FHIT: variants seen among roughly 807,000 people sequenced by gnomAD.
The protein encoded by FHIT is bis(5'-adenosyl)-triphosphatase.
Under a neutral mutation model 17.9 loss-of-function variants are expected in FHIT, and 19 were observed. The ratio of observed to expected loss-of-function variants is 1.06; its 90% CI spans 0.74 to 1.56. The LOEUF is 1.56. Among genes scored for constraint, FHIT ranks in the 40% most tolerant of loss-of-function variants. The pLI is 0.00. For missense variants in FHIT, 248 were observed against 189.2 expected, an observed-to-expected ratio of 1.31 and a Z score of -1.82; for synonymous variants, 81 against 69.7, an observed-to-expected ratio of 1.16 and a Z score of -0.81.
intron 8 of FHIT, among the ~76,000 whole-genome samples, chr3:59,849,162 G>A (rs1349829029): frequency 2.0e-5 from 3 of 152,158 alleles, no homozygotes; most frequent in African/African-American, 7.2e-5. Flanking sequence ...CTTGAGGCCA[G>A]GAGTTTGAGA....
chr3:59,756,234 A>G (rs568357042), intron 8 of FHIT, among the ~76,000 whole-genome samples: 21 of 152,194 alleles, frequency 1.4e-4, no homozygotes, highest in Admixed American at 3.3e-4. Flanking sequence ...TTGTAGAAGG[A>G]TTAAAAGTTA....
intron 2 of FHIT, among the ~76,000 whole-genome samples, chr3:61,152,322 A>C (rs1244985811): frequency 6.6e-6 from 1 of 152,234 alleles, no homozygotes; most frequent in Non-Finnish European, 1.5e-5. Context: ...AAAAGTGGTA[A>C]GTGAACCCCT....
At chr3:60,053,906 A>C (rs1485743812) in intron 5 of FHIT, among the ~76,000 whole-genome samples, 1 of 152,200 alleles carries the variant, frequency 6.6e-6, no homozygotes, top group East Asian at 1.9e-4. Flanking sequence ...GACATATGCG[A>C]ATTCTTTCAA....
intron 5 of FHIT, among the ~76,000 whole-genome samples, chr3:60,297,104 A>C (rs1173843050): frequency 6.6e-6 from 1 of 151,988 alleles, no homozygotes; most frequent in African/African-American, 2.4e-5. Context: ...TTCTTTTTCA[A>C]ATCTGTTTTA....
intron 4 of FHIT, among the ~76,000 whole-genome samples, chr3:60,810,995 T>C (rs1197235036): frequency 6.6e-6 from 1 of 152,192 alleles, no homozygotes; most frequent in Non-Finnish European, 1.5e-5. Context: ...CTAAAATACT[T>C]CTCTGTGGCC....
chr3:60,306,636 ATTC>A, intron 5 of FHIT, among the ~76,000 whole-genome samples: 1 of 152,206 alleles, frequency 6.6e-6, no homozygotes. Context: ...CTTCATAATG[ATTC>A]TTGACAATAC....
At chr3:61,092,060 G>C (rs1000822875) in intron 2 of FHIT, among the ~76,000 whole-genome samples, 2 of 150,970 alleles carry the variant, frequency 1.3e-5, no homozygotes, top group Non-Finnish European at 2.9e-5. Flanking sequence ...TTCCATCCTT[G>C]GGTCAATGTA....
rs994266535 is a variant in FHIT, at chr3:60,837,524, T to C, written c.-110-15513A>G. Reference sequence around the variant, plus strand: ...AAGTGAGCTTCTCATAGACAGAATATAGTTGGGTCATATTTTTTAAACAAT... The same window carrying C: ...AAGTGAGCTTCTCATAGACAGAATACAGTTGGGTCATATTTTTTAAACAAT... On this transcript the variant is annotated intron_variant, in intron 3 of 9. Transcript: ENST00000492590. 2.0e-5 allele frequency among the ~76,000 whole-genome samples: 3 copies of C among 152,180 alleles called. No individual in the cohort carries two copies. In the East Asian group the frequency reaches 5.8e-4, roughly 29 times the overall value.
chr3:59,796,217 T>G (rs1242242048), intron 8 of FHIT, among the ~76,000 whole-genome samples: 9 of 152,196 alleles, frequency 5.9e-5, no homozygotes, highest in Non-Finnish European at 5.9e-5. Flanking sequence ...GTCATTCCTT[T>G]CATCTCCTCT....
chr3:60,051,844 A>AAAAC (rs769655998), intron 5 of FHIT, among the ~76,000 whole-genome samples: 1 of 152,180 alleles, frequency 6.6e-6, no homozygotes, highest in Admixed American at 6.5e-5. Flanking sequence ...GGAAAAAAAT[A>AAAAC]AAACAAACAA....
At chr3:60,417,466 G>T (rs1027676617) in intron 5 of FHIT, among the ~76,000 whole-genome samples, 1 of 152,140 alleles carries the variant, frequency 6.6e-6, no homozygotes, top group African/African-American at 2.4e-5. Flanking sequence ...TAAATGTTTG[G>T]ATTTGTCTTT....
intron 3 of FHIT, among the ~76,000 whole-genome samples, chr3:60,969,175 A>G (rs1709890238): frequency 6.6e-6 from 1 of 152,080 alleles, no homozygotes; most frequent in African/African-American, 2.4e-5. Flanking sequence ...TTGTGGGAAG[A>G]TTTCTAATTA....
At chr3:60,733,812 T>G (rs2042081180) in intron 4 of FHIT, among the ~76,000 whole-genome samples, 1 of 152,196 alleles carries the variant, frequency 6.6e-6, no homozygotes, top group South Asian at 2.1e-4. Flanking sequence ...CTTAGCAGAA[T>G]GTTGCACACC....
chr3:61,210,244 T>A (rs918928139), intron 1 of FHIT, among the ~76,000 whole-genome samples: 1 of 152,240 alleles, frequency 6.6e-6, no homozygotes, highest in African/African-American at 2.4e-5. Context: ...GTTAGGCTAC[T>A]CGGGGGTCAG....
intron 8 of FHIT, among the ~76,000 whole-genome samples, chr3:59,774,571 T>C (rs898333257): frequency 2.6e-5 from 4 of 152,214 alleles, no homozygotes; most frequent in African/African-American, 7.2e-5. Flanking sequence ...GCCTCATCCA[T>C]AGTAGGTTCT....
intron 7 of FHIT, among the ~76,000 whole-genome samples, chr3:59,983,272 A>G (rs1025154797): frequency 6.6e-6 from 1 of 152,120 alleles, no homozygotes; most frequent in Admixed American, 6.6e-5. Flanking sequence ...AAGAAGGGGT[A>G]TATTTATTGG....
At chr3:60,310,113 C>A (rs1202964606) in intron 5 of FHIT, among the ~76,000 whole-genome samples, 1 of 152,090 alleles carries the variant, frequency 6.6e-6, no homozygotes, top group African/African-American at 2.4e-5. Flanking sequence ...ATTTACTTCT[C>A]CCACATTTCT....
At chr3:61,193,342 G>A (rs2038768805) in intron 2 of FHIT, among the ~76,000 whole-genome samples, 1 of 152,198 alleles carries the variant, frequency 6.6e-6, no homozygotes, top group South Asian at 2.1e-4. Context: ...ACTTTTGATC[G>A]GGATAGTGAT....
intron 5 of FHIT, among the ~76,000 whole-genome samples, chr3:60,100,272 T>C (rs1468536016): frequency 1.3e-5 from 2 of 152,054 alleles, no homozygotes; most frequent in South Asian, 2.1e-4. Flanking sequence ...TAGTCCCAGC[T>C]ACTCGGGAGG....
Sources: gnomAD v4.1 joint callset for allele counts (sites outside exome capture counted in the v4.1 genomes callset) on GRCh38, gnomAD v4.1.1 for gene constraint, MANE v1.5 for transcripts, NCBI Gene and HGNC (gene_info 2026-07-23, HGNC 2026-07-21) for gene names.